Variants in DIP2C observed in about 807,000 individuals in gnomAD.
The protein encoded by DIP2C is DIP2 acetate--CoA ligase C (putative), also known as disco-interacting protein 2 homolog C.
A neutral mutation model predicts 192.4 loss-of-function variants in DIP2C; 33 were observed. That is an observed-to-expected ratio of 0.17 (90% CI 0.13 to 0.23). The LOEUF is 0.23. Ranked by LOEUF, DIP2C falls within the 10% of genes least tolerant of loss-of-function variation. The probability of loss-of-function intolerance (pLI) is 1.00; values close to 1 mark genes in which losing one functional copy is unlikely to be tolerated. For missense variants in DIP2C, 1,537 were observed against 2,110.1 expected (o/e 0.73, Z 5.32); for synonymous variants, 979 against 864.1 (o/e 1.13, Z -2.33).
rs909836731 is a variant in DIP2C, at chr10:407,120, C to T, written c.1149+1806G>A. 2.6e-5 allele frequency among the ~76,000 whole-genome samples: 4 copies of T among 152,192 alleles called. No individual in the cohort carries two copies. The East Asian group carries it at 5.8e-4, about 22-fold the overall frequency. On this transcript the variant is annotated intron_variant, in intron 9 of 36. Transcript: ENST00000280886. The stretch of plus-strand genomic sequence containing the variant: ...CCAGTCTCCCGCACAGCCAGCTCTG[C>T]GTGAATCACTTTCTCCATTGCAATC...
chr10:400,048 A>G (rs1196800989), intron 9 of DIP2C, among the ~76,000 whole-genome samples: 1 of 152,208 alleles, frequency 6.6e-6, no homozygotes, highest in Non-Finnish European at 1.5e-5. Flanking sequence ...AATAGATATT[A>G]TGATTTTTTT....
chr10:368,608 C>G (rs897388421), intron 18 of DIP2C, among the ~76,000 whole-genome samples: 1 of 152,216 alleles, frequency 6.6e-6, no homozygotes, highest in Non-Finnish European at 1.5e-5. Flanking sequence ...CTGGCCCTAG[C>G]GCAGCTCACC....
intron 3 of DIP2C, among the ~76,000 whole-genome samples, chr10:467,356 G>T (rs1290320491): frequency 7.7e-5 from 9 of 116,906 alleles, no homozygotes; most frequent in Admixed American, 1.2e-4. Flanking sequence ...ACAGGAAGGG[G>T]AATATCACAC....
rs546162913 is a variant in DIP2C at position 642,021 on chromosome 10, T to C, written c.85+47473A>G. 3.3e-5 allele frequency among the ~76,000 whole-genome samples: 5 copies of C among 152,034 alleles called. No individual in the cohort carries two copies. The East Asian group carries it at 9.7e-4, about 29-fold the overall frequency. On this transcript the variant is annotated intron_variant, in intron 1 of 36. Coordinates refer to ENST00000280886, the MANE Select transcript of DIP2C (RefSeq NM_014974.3). ...CTGGGCAACAGGGCGAGACCCTGTA[T>C]CAAAAAAAGGAAAGAAAGAAAGAAA...
intron 1 of DIP2C, among the ~76,000 whole-genome samples, chr10:513,155 C>A (rs1189251467): frequency 7.0e-6 from 1 of 143,826 alleles, no homozygotes; most frequent in African/African-American, 2.5e-5. Context: ...AATATTTTAG[C>A]ATACTGGCAG....
chr10:347,385 G>A (rs570587553), intron 26 of DIP2C, among the ~76,000 whole-genome samples: 166 of 141,432 alleles, frequency 1.2e-3, no homozygotes, highest in African/African-American at 4.3e-3. Context: ...TAGTTCTCCC[G>A]GAAACGTCAC....
chr10:306,694 A>G (rs1956341196), intron 32 of DIP2C, among the ~76,000 whole-genome samples: 1 of 152,182 alleles, frequency 6.6e-6, no homozygotes, highest in Non-Finnish European at 1.5e-5. Context: ...TGGACTGTCG[A>G]CTTTCTCACC....
chr10:483,301 A>T (rs1010656132), intron 2 of DIP2C, among the ~76,000 whole-genome samples: 9 of 152,158 alleles, frequency 5.9e-5, no homozygotes, highest in African/African-American at 2.2e-4. Context: ...ACAAGAAAGA[A>T]AGATGTTTTC....
chr10:581,249 A>C (rs1850635243), intron 1 of DIP2C, among the ~76,000 whole-genome samples: 1 of 152,158 alleles, frequency 6.6e-6, no homozygotes, highest in African/African-American at 2.4e-5. Context: ...AAACAACAAA[A>C]ACAGCCCATG....
intron 1 of DIP2C, among the ~76,000 whole-genome samples, chr10:532,556 G>GGT (rs1564824385): frequency 7.4e-6 from 1 of 135,658 alleles, no homozygotes; most frequent in African/African-American, 2.8e-5. Context: ...AGAGAGTATG[G>GGT]GTGAGAGAGA....
intron 24 of DIP2C, among the ~76,000 whole-genome samples, chr10:351,445 G>A (rs1014943853): frequency 1.3e-5 from 2 of 152,214 alleles, no homozygotes; most frequent in African/African-American, 4.8e-5. Context: ...GACCAGGGCT[G>A]CGGGGAGGCG....
chr10:415,381 A>G (rs762014214), intron 7 of DIP2C, among the ~76,000 whole-genome samples: 1 of 152,176 alleles, frequency 6.6e-6, no homozygotes, highest in Non-Finnish European at 1.5e-5. Context: ...TCCGGCACCT[A>G]TAAGGAGAGG....
At chr10:579,489 CAT>C (rs1437320881) in intron 1 of DIP2C, among the ~76,000 whole-genome samples, 6 of 151,528 alleles carry the variant, frequency 4.0e-5, no homozygotes, top group African/African-American at 1.2e-4. Flanking sequence ...AGTGTACAAA[CAT>C]AAGTGCACTA....
chr10:396,337 T>C (rs1963981794), intron 10 of DIP2C, among the ~76,000 whole-genome samples: 1 of 152,132 alleles, frequency 6.6e-6, no homozygotes, highest in African/African-American at 2.4e-5. Context: ...TCCAACATGC[T>C]CAGGAAAACC....
intron 1 of DIP2C, among the ~76,000 whole-genome samples, chr10:535,595 A>G (rs950414354): frequency 1.3e-5 from 2 of 152,138 alleles, no homozygotes; most frequent in East Asian, 1.9e-4. Flanking sequence ...GAAACACACG[A>G]GATTCAGTGT....
intron 6 of DIP2C, among the ~76,000 whole-genome samples, chr10:416,432 C>T (rs1965640351): frequency 6.6e-6 from 1 of 152,134 alleles, no homozygotes; most frequent in African/African-American, 2.4e-5. Flanking sequence ...CACCACCACG[C>T]CCAAGCCCTG....
intron 1 of DIP2C, among the ~76,000 whole-genome samples, chr10:553,091 G>A (rs527872542): frequency 5.9e-5 from 9 of 152,316 alleles, no homozygotes; most frequent in Admixed American, 3.9e-4. Context: ...AGAGGCTCGT[G>A]CCAACAGACC....
At chr10:662,140 C>T (rs1224163766) in intron 1 of DIP2C, 1 of 717,210 alleles carries the variant, frequency 1.4e-6, no homozygotes, top group Non-Finnish European at 2.6e-6. Context: ...CACATTCTGA[C>T]CCCAATCTAA....
chr10:509,204 T>A (rs1368640222), intron 1 of DIP2C, among the ~76,000 whole-genome samples: 1 of 152,166 alleles, frequency 6.6e-6, no homozygotes, highest in African/African-American at 2.4e-5. Context: ...GCGTGGATAC[T>A]GATTCACCCG....
Sources: gnomAD v4.1 joint callset for allele counts (sites outside exome capture counted in the v4.1 genomes callset) on GRCh38, gnomAD v4.1.1 for gene constraint, MANE v1.5 for transcripts, NCBI Gene and HGNC (gene_info 2026-07-23, HGNC 2026-07-21) for gene names.